TEAD1: variants seen among roughly 807,000 people sequenced by gnomAD.
The protein encoded by TEAD1 is TEA domain transcription factor 1.
In TEAD1, 9 loss-of-function variants were observed where a neutral mutation model predicts 54.9. The observed-to-expected ratio is 0.16, with a 90% CI of 0.10 to 0.29. TEAD1 has a LOEUF of 0.29. Among genes scored for constraint, TEAD1 ranks in the 10% least tolerant of loss-of-function variants. The probability of loss-of-function intolerance (pLI) is 1.00; values close to 1 mark genes in which losing one functional copy is unlikely to be tolerated. For synonymous variants in TEAD1, 200 were observed against 187.8 expected (o/e 1.07, Z -0.53); for missense variants, 387 against 535.9 (o/e 0.72, Z 2.74).
At chr11:12,844,650 A>G (rs1431257953) in intron 3 of TEAD1, among the ~76,000 whole-genome samples, 3 of 152,110 alleles carry the variant, frequency 2.0e-5, no homozygotes, top group African/African-American at 2.4e-5. Flanking sequence ...ATCAACCCCA[A>G]TATTTTTTTC....
intron 3 of TEAD1, among the ~76,000 whole-genome samples, chr11:12,793,043 T>C (rs1945837152): frequency 1.3e-5 from 2 of 152,090 alleles, no homozygotes; most frequent in East Asian, 3.8e-4. Flanking sequence ...CTTGGGCTGT[T>C]AGCGAGACCT....
chr11:12,760,988 G>C (rs996291293), intron 2 of TEAD1, among the ~76,000 whole-genome samples: 2 of 152,166 alleles, frequency 1.3e-5, no homozygotes, highest in East Asian at 3.9e-4. Context: ...GTAGTTTCTG[G>C]GGCTGTGTCC....
chr11:12,789,730 A>G (rs1453191091), intron 3 of TEAD1, among the ~76,000 whole-genome samples: 2 of 152,244 alleles, frequency 1.3e-5, no homozygotes, highest in Non-Finnish European at 2.9e-5. Context: ...GGAGAGAAGC[A>G]TGCAGCATGT....
At chr11:12,721,980 G>A (rs1391362008) in intron 2 of TEAD1, among the ~76,000 whole-genome samples, 2 of 152,212 alleles carry the variant, frequency 1.3e-5, no homozygotes, top group East Asian at 1.9e-4. Context: ...AGATTCAGGT[G>A]CCTCACTCCT....
At chr11:12,930,388 G>C in intron 12 of TEAD1, 62 bp downstream of exon 12, 1 of 1,606,330 alleles carries the variant, frequency 6.2e-7, no homozygotes, top group Non-Finnish European at 8.5e-7. Context: ...CAGAAGTGAG[G>C]AAGGTGGGCC....
chr11:12,878,800 C>CAT (rs10543484), intron 5 of TEAD1: 1 of 753,848 alleles, frequency 1.3e-6, no homozygotes. Context: ...TATATATACA[C>CAT]ATATATATAT....
chr11:12,868,426 G>A (rs1214009027), intron 5 of TEAD1, among the ~76,000 whole-genome samples: 1 of 152,116 alleles, frequency 6.6e-6, no homozygotes, highest in Non-Finnish European at 1.5e-5. Flanking sequence ...TTTAAATTCT[G>A]TAGTTTTGAA....
At position 12,785,269 on chromosome 11, in the gene TEAD1, C is replaced by G. The variant is rs1011621327; in HGVS notation, c.202+20835C>G. On this transcript the variant is annotated intron_variant, in intron 3 of 12. Coordinates refer to ENST00000527636, the MANE Select transcript of TEAD1 (RefSeq NM_021961.6). ...GCTGGAGGGATCTGGAGAGATCAGCCCAGCCTCCTCAGTTTTCAGATTGGA... is the reference window on the plus strand; with the variant it reads ...GCTGGAGGGATCTGGAGAGATCAGCGCAGCCTCCTCAGTTTTCAGATTGGA... 2.6e-5 allele frequency among the ~76,000 whole-genome samples: 4 copies of G among 152,094 alleles called. No individual in the cohort carries two copies. The South Asian group carries it at 8.3e-4, about 32-fold the overall frequency.
At chr11:12,867,134 C>G (rs1183427300) in intron 5 of TEAD1, among the ~76,000 whole-genome samples, 3 of 152,096 alleles carry the variant, frequency 2.0e-5, no homozygotes, top group African/African-American at 7.2e-5. Flanking sequence ...ACAAAGCCTT[C>G]CTAGTAAGTG....
intron 3 of TEAD1, among the ~76,000 whole-genome samples, chr11:12,849,688 G>T (rs1382927802): frequency 6.6e-6 from 1 of 152,212 alleles, no homozygotes; most frequent in Non-Finnish European, 1.5e-5. Flanking sequence ...TGGACGTCCA[G>T]TGAGGGACAT....
chr11:12,870,233 A>G (rs979325135), intron 5 of TEAD1, among the ~76,000 whole-genome samples: 7 of 152,164 alleles, frequency 4.6e-5, no homozygotes, highest in African/African-American at 1.7e-4. Context: ...TGGCACCAAC[A>G]TGAGACTTTT....
intron 5 of TEAD1, among the ~76,000 whole-genome samples, chr11:12,867,419 G>T (rs1203513611): frequency 6.6e-6 from 1 of 152,150 alleles, no homozygotes; most frequent in Non-Finnish European, 1.5e-5. Context: ...GTAACTGGGG[G>T]AATGACATGG....
chr11:12,774,046 G>T (rs569292666), intron 3 of TEAD1, among the ~76,000 whole-genome samples: 3 of 152,306 alleles, frequency 2.0e-5, no homozygotes, highest in African/African-American at 4.8e-5. Context: ...TGGCTTGGTC[G>T]TAGGAGTCTA....
chr11:12,817,759 C>G (rs1362879956), intron 3 of TEAD1, among the ~76,000 whole-genome samples: 10 of 152,134 alleles, frequency 6.6e-5, no homozygotes. Flanking sequence ...CACAGTAGCC[C>G]AGCACATGGA....
chr11:12,767,550 G>C (rs938944806), intron 3 of TEAD1, among the ~76,000 whole-genome samples: 1 of 152,106 alleles, frequency 6.6e-6, no homozygotes, highest in African/African-American at 2.4e-5. Flanking sequence ...AATTTTGTTC[G>C]TGGTTGGCAG....
rs531766806 is a variant in TEAD1 at position 12,707,831 on chromosome 11, G to A, written c.-55+32270G>A. 4.6e-4 allele frequency among the ~76,000 whole-genome samples: 70 copies of A among 152,306 alleles called. 1 individual carries two copies. The highest frequency in any genetic ancestry group is 1.7e-3 in the African/African-American group (69 of 41,576). On this transcript the variant is annotated intron_variant, in intron 2 of 12. Coordinates refer to ENST00000527636, the MANE Select transcript of TEAD1 (RefSeq NM_021961.6). Reference sequence around the variant, plus strand: ...CTTGTGTCTAGTCAACTCTGTTTAAGGAAACAGGAAGATTGTTAGAAATAC... The same window carrying A: ...CTTGTGTCTAGTCAACTCTGTTTAAAGAAACAGGAAGATTGTTAGAAATAC...
chr11:12,926,285 C>A (rs756994492), intron 11 of TEAD1, among the ~76,000 whole-genome samples: 5 of 152,130 alleles, frequency 3.3e-5, no homozygotes, highest in Non-Finnish European at 7.3e-5. Context: ...GCCCCCTGAG[C>A]AATGGACAGG....
At chr11:12,839,698 G>A (rs568665443) in intron 3 of TEAD1, among the ~76,000 whole-genome samples, 2 of 152,154 alleles carry the variant, frequency 1.3e-5, no homozygotes, top group African/African-American at 2.4e-5. Flanking sequence ...TAAGGAGCAC[G>A]ACCAGGGAAT....
At chr11:12,752,544 C>CT (rs1164148244) in intron 2 of TEAD1, among the ~76,000 whole-genome samples, 3 of 152,112 alleles carry the variant, frequency 2.0e-5, no homozygotes, top group Non-Finnish European at 4.4e-5. Context: ...TTCTTTGTAT[C>CT]TTTTTTTTCC....
Sources: allele counts gnomAD v4.1 joint callset (sites outside exome capture counted in the v4.1 genomes callset), GRCh38; gene constraint gnomAD v4.1.1; transcripts MANE v1.5; gene names NCBI Gene and HGNC (gene_info 2026-07-23, HGNC 2026-07-21).